ANK3: variants seen among roughly 807,000 people sequenced by gnomAD.
ANK3 encodes ankyrin 3.
ANK3 carries 57 observed loss-of-function variants against 370.9 expected under a neutral mutation model. The observed-to-expected ratio is 0.15, with a 90% CI of 0.12 to 0.19. The LOEUF (loss-of-function observed/expected upper bound fraction) is 0.19, where lower values mean the gene tolerates loss of function less well. Ranked by LOEUF, ANK3 falls within the 10% of genes least tolerant of loss-of-function variation. The probability of loss-of-function intolerance (pLI) is 1.00; values close to 1 mark genes in which losing one functional copy is unlikely to be tolerated. For missense variants in ANK3, 4,439 were observed against 5,302.1 expected (o/e 0.84, Z 5.06); for synonymous variants, 1,929 against 1,946.3 (o/e 0.99, Z 0.23).
chr10:60,392,171 A>G (rs954132103), upstream of ANK3, among the ~76,000 whole-genome samples: 1 of 152,198 alleles, frequency 6.6e-6, no homozygotes, highest in African/African-American at 2.4e-5. Context: ...ACACAAAGGC[A>G]TTGACTCAAG....
chr10:60,044,004 A>C (rs2076544443), intron 42 of ANK3: 1 of 985,752 alleles, frequency 1.0e-6, no homozygotes, highest in African/African-American at 1.7e-5. Context: ...CCAGCCTGTT[A>C]GCAGCAATTT....
intron 1 of ANK3, among the ~76,000 whole-genome samples, chr10:60,722,094 T>A (rs1454263322): frequency 6.6e-6 from 1 of 152,076 alleles, no homozygotes; most frequent in Non-Finnish European, 1.5e-5. Context: ...GAGACTTAAG[T>A]GGACATCCGC....
intron 1 of ANK3, among the ~76,000 whole-genome samples, chr10:60,294,361 G>A (rs2042078578): frequency 6.6e-6 from 1 of 152,144 alleles, no homozygotes; most frequent in Non-Finnish European, 1.5e-5. Context: ...GTTGAAGGGT[G>A]AGGCCATGGC....
At chr10:60,644,950 A>T (rs1171566015) in intron 1 of ANK3, among the ~76,000 whole-genome samples, 1 of 151,628 alleles carries the variant, frequency 6.6e-6, no homozygotes, top group Non-Finnish European at 1.5e-5. Flanking sequence ...TTTAAACATA[A>T]AACTCAGGTA....
At chr10:60,400,053 T>C (rs963668128) in intron 2 of ANK3, among the ~76,000 whole-genome samples, 2 of 138,466 alleles carry the variant, frequency 1.4e-5, no homozygotes, top group Non-Finnish European at 3.1e-5. Flanking sequence ...TGTGTGTGTG[T>C]GCAGCCATGG....
intron 28 of ANK3, among the ~76,000 whole-genome samples, chr10:60,088,707 G>C (rs1052649340): frequency 6.6e-5 from 10 of 152,236 alleles, no homozygotes; most frequent in African/African-American, 2.4e-4. Flanking sequence ...TTACAGGCAT[G>C]AGCCACTGGG....
intron 2 of ANK3, among the ~76,000 whole-genome samples, chr10:60,480,836 T>C (rs1443472489): frequency 6.6e-6 from 1 of 152,218 alleles, no homozygotes; most frequent in African/African-American, 2.4e-5. Flanking sequence ...ATGCCCTTTT[T>C]AGGTTAATTT....
At chr10:60,462,471 T>A (rs1418845312) in intron 2 of ANK3, among the ~76,000 whole-genome samples, 1 of 152,176 alleles carries the variant, frequency 6.6e-6, no homozygotes, top group African/African-American at 2.4e-5. Flanking sequence ...TACAATTTCT[T>A]AAAGAGTTCT....
intron 1 of ANK3, among the ~76,000 whole-genome samples, chr10:60,691,210 T>G (rs1189961254): frequency 6.6e-6 from 1 of 152,154 alleles, no homozygotes; most frequent in Non-Finnish European, 1.5e-5. Context: ...CTGTGCTCAG[T>G]AGCTGGGTGA....
Position 60,069,451 on chromosome 10 carries a change from T to G in ANK3, c.11430A>C (p.Glu3810Asp). ...DNIMSNIVLT[E>D]HSAPTCTTEK... ...CTGTGGTACAAGTGGGTGCAGAATG[T>G]TCTGTCAGAACTATATTACTCATAA... Residue 3810 changes from glutamate (E) to aspartate (D), a missense_variant, in exon 37 of 44, where the codon GAA becomes GAC. Physicochemically the swap from Glu to Asp is conservative, Grantham distance 45. This residue lies in a region of ANK3 where 496 missense variants were observed against 529.3 expected (regional missense o/e 0.94). Coordinates refer to ENST00000280772, the MANE Select transcript of ANK3 (RefSeq NM_020987.5). The G allele has an allele frequency of 6.2e-7, 1 of 1,614,172 alleles. No individual in the cohort carries two copies. The highest frequency in any genetic ancestry group is 1.6e-4 in the Middle Eastern group (1 of 6,062).
intron 28 of ANK3, among the ~76,000 whole-genome samples, chr10:60,100,824 T>A (rs1431655871): frequency 6.6e-6 from 1 of 152,214 alleles, no homozygotes; most frequent in African/African-American, 2.4e-5. Flanking sequence ...ACAAAATAGA[T>A]ATGTAAAACA....
intron 23 of ANK3, among the ~76,000 whole-genome samples, chr10:60,162,306 G>A (rs568226343): frequency 6.6e-6 from 1 of 152,094 alleles, no homozygotes; most frequent in Non-Finnish European, 1.5e-5. Context: ...TAGACTTTGG[G>A]GGCAGGGGAA....
intron 23 of ANK3, among the ~76,000 whole-genome samples, chr10:60,162,249 G>A (rs1404967739): frequency 2.6e-5 from 4 of 152,108 alleles, no homozygotes; most frequent in Non-Finnish European, 5.9e-5. Flanking sequence ...ATCACAACCA[G>A]TTACAGATCT....
chr10:60,503,432 G>A (rs936226598), intron 2 of ANK3, among the ~76,000 whole-genome samples: 6 of 152,104 alleles, frequency 3.9e-5, no homozygotes, highest in Admixed American at 2.6e-4. Flanking sequence ...AGCCCCATAA[G>A]GCCAAGGTCT....
chr10:60,383,259 C>T (rs1044038992), intron 1 of ANK3, among the ~76,000 whole-genome samples: 1 of 152,174 alleles, frequency 6.6e-6, no homozygotes, highest in Non-Finnish European at 1.5e-5. Flanking sequence ...TCTGTACATT[C>T]TGAACAACAA....
At chr10:60,347,839 G>A (rs945444298) in intron 1 of ANK3, among the ~76,000 whole-genome samples, 3 of 152,164 alleles carry the variant, frequency 2.0e-5, no homozygotes, top group Non-Finnish European at 2.9e-5. Flanking sequence ...CAAGTTCTCA[G>A]CTGATGCTGA....
Position 60,073,775 on chromosome 10 carries a change from T to G in ANK3, c.7106A>C (p.Asp2369Ala). The change falls in exon 37 of 44, where the codon GAT (aspartate) becomes GCT (alanine). Residue 2369 changes from aspartate to alanine, a missense_variant. Transcript: ENST00000280772. ...TGGCAGAAAATCTTTTAGGTTAATATCTCCCCGGGATAAGTCTTTCTGATA... is the reference window on the plus strand; with the variant it reads ...TGGCAGAAAATCTTTTAGGTTAATAGCTCCCCGGGATAAGTCTTTCTGATA... ...YVYQKDLSRG[D>A]INLKDFLPEK... 1 of 1,613,794 alleles carries G rather than the reference T, an allele frequency of 6.2e-7. No individual in the cohort carries two copies. The highest frequency in any genetic ancestry group is 8.5e-7 in the Non-Finnish European group (1 of 1,179,996).
At chr10:60,432,731 C>T (rs942549425) in intron 2 of ANK3, among the ~76,000 whole-genome samples, 1 of 152,096 alleles carries the variant, frequency 6.6e-6, no homozygotes, top group Non-Finnish European at 1.5e-5. Context: ...TAGGAGGAGG[C>T]CCAGCATGGG....
chr10:60,343,766 G>C (rs1333484808), intron 1 of ANK3, among the ~76,000 whole-genome samples: 1 of 152,196 alleles, frequency 6.6e-6, no homozygotes, highest in Admixed American at 6.5e-5. Flanking sequence ...TTCTGTTCTT[G>C]TAAGAGTCGT....
Sources: allele counts gnomAD v4.1 joint callset (sites outside exome capture counted in the v4.1 genomes callset), GRCh38; gene constraint gnomAD v4.1.1; regional missense constraint gnomAD v4.1.1; transcripts MANE v1.5; gene names NCBI Gene and HGNC (gene_info 2026-07-23, HGNC 2026-07-21).